MYT1: variants seen among roughly 807,000 people sequenced by gnomAD.
MYT1 encodes myelin transcription factor I.
A neutral mutation model predicts 123.0 loss-of-function variants in MYT1; 23 were observed. The ratio of observed to expected loss-of-function variants is 0.19; its 90% CI spans 0.13 to 0.26. MYT1 has a LOEUF of 0.26. Ranked by LOEUF, MYT1 falls within the 10% of genes least tolerant of loss-of-function variation. MYT1 has a pLI of 1.00. For synonymous variants in MYT1, 518 were observed against 575.3 expected, an observed-to-expected ratio of 0.90 and a Z score of 1.43; for missense variants, 1,125 against 1,472.5, an observed-to-expected ratio of 0.76 and a Z score of 3.86.
chr20:64,232,867 C>A lies in MYT1; in HGVS notation c.2897+482C>A, dbSNP rs976558135. ...TTTGAACTCTGGGCAGAGACCCCTG[C>A]CTGCCTTGCAAGGGAGCTGGTAACC... On this transcript the variant is annotated intron_variant, in intron 19 of 22. Coordinates refer to ENST00000328439, the MANE Select transcript of MYT1 (RefSeq NM_004535.3). This position sits in a 1 kb window ranked among gnomAD's most constrained non-coding sequence, Gnocchi z 6.9. Among the ~76,000 whole-genome samples, 21 of 151,608 alleles carry A rather than the reference C, an allele frequency of 1.4e-4. No homozygotes were observed. Among genetic ancestry groups the A allele is most frequent in the African/African-American group, 4.9e-4 (20 of 40,986 alleles).
At chr20:64,224,664 C>T (rs942304327) in intron 16 of MYT1, among the ~76,000 whole-genome samples, 2 of 152,242 alleles carry the variant, frequency 1.3e-5, no homozygotes, top group African/African-American at 4.8e-5. Context: ...ACCCAGGAAA[C>T]ACTCAGTCCT....
chr20:64,173,469 CT>C (rs1982351330), intron 1 of MYT1, among the ~76,000 whole-genome samples: 1 of 148,286 alleles, frequency 6.7e-6, no homozygotes, highest in Non-Finnish European at 1.5e-5. Flanking sequence ...TCCCTGACTT[CT>C]CCTCCTGCAG....
At position 64,192,477 on chromosome 20, in the gene MYT1, C is replaced by T. The variant is rs957551147; in HGVS notation, c.-1+2317C>T. On this transcript the variant is annotated intron_variant, in intron 2 of 22. Coordinates refer to ENST00000328439, the MANE Select transcript of MYT1 (RefSeq NM_004535.3). This position sits in a 1 kb window ranked among gnomAD's most constrained non-coding sequence, Gnocchi z 5.3. The stretch of plus-strand genomic sequence containing the variant: ...GGGTCAGCCTTCCAGAGGCTGGCTT[C>T]GGACAGGAGATGGGTGGTGAGGAGC... Among the ~76,000 whole-genome samples the T allele has an allele frequency of 4.6e-5, 7 of 152,168 alleles. No homozygotes were observed. Among genetic ancestry groups the T allele is most frequent in the Non-Finnish European group, 1.0e-4 (7 of 68,028 alleles).
At chr20:64,209,877 G>A (rs1048968038) in intron 7 of MYT1, among the ~76,000 whole-genome samples, 2 of 152,192 alleles carry the variant, frequency 1.3e-5, no homozygotes, top group Admixed American at 6.5e-5. Context: ...ATGGCTTTGC[G>A]GGGACACCCT....
rs1319424320 is a variant in MYT1 at position 64,219,050 on chromosome 20, CA to C, written c.1971+16del. The C allele has an allele frequency of 1.2e-6, 2 of 1,603,186 alleles. No individual in the cohort carries two copies. Among genetic ancestry groups the C allele is most frequent in the East Asian group, 4.5e-5 (2 of 44,538 alleles). On this transcript the variant is annotated intron_variant, in intron 12 of 22. Coordinates refer to ENST00000328439, the MANE Select transcript of MYT1 (RefSeq NM_004535.3). The stretch of plus-strand genomic sequence containing the variant: ...TCCCCAGCAAGGTTAGTACATCTGC[CA>C]CAGAGCCTTTCTTGGGAGAGGTGAG...
At chr20:64,222,441 G>A (rs1984036457) in intron 14 of MYT1, among the ~76,000 whole-genome samples, 1 of 152,232 alleles carries the variant, frequency 6.6e-6, no homozygotes, top group Non-Finnish European at 1.5e-5. Flanking sequence ...CCATGGCCAA[G>A]GCCTGGAATG....
intron 10 of MYT1, among the ~76,000 whole-genome samples, 158 bp from the exon 11 acceptor site, chr20:64,216,909 T>A (rs1374671890): frequency 6.6e-6 from 1 of 152,188 alleles, no homozygotes; most frequent in Admixed American, 6.5e-5. Context: ...TCTGCCCAGC[T>A]TTAGTGGTGG....
At chr20:64,197,121 C>G (rs1431976864) in intron 2 of MYT1, among the ~76,000 whole-genome samples, 1 of 152,218 alleles carries the variant, frequency 6.6e-6, no homozygotes, top group South Asian at 2.1e-4. Context: ...TAGTAATTGT[C>G]TTCCGTTCTA....
rs572173567 is a variant in MYT1, at chr20:64,217,369, C to T, written c.1846+88C>T. ...AGGGGCAGTGGAGGAGGGACCCTCT[C>T]GAGGAGCTACTAGGGAGGGAAACTC... On this transcript the variant is annotated intron_variant, in intron 11 of 22. Coordinates refer to ENST00000328439, the MANE Select transcript of MYT1 (RefSeq NM_004535.3). 62 of 1,388,772 alleles carry T rather than the reference C, an allele frequency of 4.5e-5. No individual in the cohort carries two copies. The Admixed American group carries it at 8.0e-4, about 18-fold the overall frequency. 86.0% of individuals were successfully genotyped at this position (1,388,772 alleles called of 1,614,324 possible).
intron 16 of MYT1, 119 bp from the exon 17 acceptor site, chr20:64,227,296 A>C: frequency 6.3e-6 from 5 of 799,876 alleles, no homozygotes; most frequent in Non-Finnish European, 1.0e-5. Context: ...GGACAAGGGA[A>C]TGTGGGTGGG....
intron 1 of MYT1, among the ~76,000 whole-genome samples, chr20:64,181,049 G>T (rs191493861): frequency 3.2e-4 from 49 of 152,284 alleles, no homozygotes; most frequent in Admixed American, 1.4e-3. Context: ...TTGGGAAGAG[G>T]CTTTCTCTAC....
At position 64,221,877 on chromosome 20, in the gene MYT1, T is replaced by C. The variant is rs752741269; in HGVS notation, c.2242-16T>C. 6.2e-7 allele frequency: 1 copy of C among 1,612,208 alleles called. No individual in the cohort carries two copies. The highest frequency in any genetic ancestry group is 8.5e-7 in the Non-Finnish European group (1 of 1,179,622). On this transcript the variant is annotated splice_polypyrimidine_tract_variant and intron_variant, in intron 13 of 22. Transcript: ENST00000328439. Reference sequence around the variant, plus strand: ...CCGCCAGCCGGTTAAAACATCTTCCTGCTGGTTTTTTGCAGTCAGAGCCAG... The same window carrying C: ...CCGCCAGCCGGTTAAAACATCTTCCCGCTGGTTTTTTGCAGTCAGAGCCAG...
chr20:64,229,050 C>A (rs1446784898), intron 18 of MYT1, among the ~76,000 whole-genome samples: 1 of 152,240 alleles, frequency 6.6e-6, no homozygotes, highest in African/African-American at 2.4e-5. Flanking sequence ...CCCGGCCACA[C>A]TGGAGGAGCC....
At position 64,236,139 on chromosome 20, in the gene MYT1, GATGGTCGCGGTGGGTGACC is replaced by G. The variant is rs1984530779; in HGVS notation, c.2898-415_2898-397del. Among the ~76,000 whole-genome samples, 2 of 135,654 alleles carry G rather than the reference GATGGTCGCGGTGGGTGACC, an allele frequency of 1.5e-5. 1 individual carries two copies. Among genetic ancestry groups the G allele is most frequent in the Admixed American group, 1.4e-4 (2 of 14,068 alleles). 89.0% of individuals were successfully genotyped at this position (135,654 alleles called of 152,430 possible). ...GGCTGGCTGTGGTGGGTGACCCTGGGATGGTCGCGGTGGGTGACCCTGGGCTGGCCGTGGTGGGTGACCC... is the reference window on the plus strand; with the variant it reads ...GGCTGGCTGTGGTGGGTGACCCTGGGCTGGGCTGGCCGTGGTGGGTGACCC... On this transcript the variant is annotated intron_variant, in intron 19 of 22. Transcript: ENST00000328439.
intron 2 of MYT1, among the ~76,000 whole-genome samples, chr20:64,195,425 T>C (rs1983088475): frequency 1.8e-5 from 2 of 108,482 alleles, no homozygotes; most frequent in South Asian, 3.0e-4. Flanking sequence ...AGACGGAGTC[T>C]CACTCTGTCG....
In MYT1 at chr20:64,218,815, G is replaced by A. The variant is rs747791763; in HGVS notation, c.1847-96G>A. The stretch of plus-strand genomic sequence containing the variant: ...TCAAGTTGTATATCAGCCTGGTGTT[G>A]TTCCCTTTTTGCAGCCAAACCTTTC... On this transcript the variant is annotated intron_variant, in intron 11 of 22. Transcript: ENST00000328439. This position sits in a 1 kb window ranked among gnomAD's most constrained non-coding sequence, Gnocchi z 4.0. 7 of 1,530,354 alleles carry A rather than the reference G, an allele frequency of 4.6e-6. No individual in the cohort carries two copies. In the African/African-American group the frequency reaches 9.6e-5, roughly 21 times the overall value. 94.8% of individuals were successfully genotyped at this position (1,530,354 alleles called of 1,614,324 possible).
intron 10 of MYT1, among the ~76,000 whole-genome samples, chr20:64,214,278 T>G (rs1464469368): frequency 6.6e-6 from 1 of 152,218 alleles, no homozygotes; most frequent in Non-Finnish European, 1.5e-5. Context: ...TATGTTTACA[T>G]GTGCGTGCAA....
intron 18 of MYT1, among the ~76,000 whole-genome samples, chr20:64,230,674 G>C (rs762576627): frequency 9.2e-5 from 14 of 152,212 alleles, no homozygotes; most frequent in South Asian, 2.1e-4. Context: ...CCCATCAGAG[G>C]GGGGCTGGAC....
At chr20:64,236,677 A>G (rs769721039) in intron 20 of MYT1, 31 bp downstream of exon 20, 43 of 1,571,942 alleles carry the variant, frequency 2.7e-5, no homozygotes, top group Non-Finnish European at 3.4e-5. Context: ...TTCCCTGCTC[A>G]TGGCTGGGTG....
Sources: allele counts gnomAD v4.1 joint callset (sites outside exome capture counted in the v4.1 genomes callset), GRCh38; gene constraint gnomAD v4.1.1; non-coding constraint Gnocchi (gnomAD v3.1); transcripts MANE v1.5; gene names NCBI Gene and HGNC (gene_info 2026-07-23, HGNC 2026-07-21).